HEPHL1: variants seen among roughly 807,000 people sequenced by gnomAD.
HEPHL1 encodes the protein hephaestin like 1.
In HEPHL1, 123 loss-of-function variants were observed where a neutral mutation model predicts 122.0. The ratio of observed to expected loss-of-function variants is 1.01; its 90% CI spans 0.87 to 1.17. The LOEUF (loss-of-function observed/expected upper bound fraction) is 1.17. Among genes scored for constraint, HEPHL1 ranks in the 50% most tolerant of loss-of-function variants. The pLI is 0.00. For synonymous variants in HEPHL1, 527 were observed against 508.9 expected (o/e 1.04, Z -0.48); for missense variants, 1,452 against 1,430.5 (o/e 1.01, Z -0.24).
At chr11:94,046,491 A>G (rs1357432249) in intron 2 of HEPHL1, among the ~76,000 whole-genome samples, 1 of 148,076 alleles carries the variant, frequency 6.8e-6, no homozygotes, top group Non-Finnish European at 1.5e-5. Flanking sequence ...CTGCTCCACC[A>G]CGCACCAGGA....
intron 15 of HEPHL1, 115 bp downstream of exon 15, chr11:94,103,135 G>T (rs1184313219): frequency 1.5e-6 from 1 of 675,694 alleles, no homozygotes. Flanking sequence ...TAGAGCAAGG[G>T]TCTCATACTA....
chr11:94,051,145 A>G (rs1591469591), intron 2 of HEPHL1, among the ~76,000 whole-genome samples: 1 of 152,194 alleles, frequency 6.6e-6, no homozygotes, highest in East Asian at 1.9e-4. Flanking sequence ...TGGGGGGTAC[A>G]TTAAAATGGG....
In HEPHL1 at chr11:94,086,168, T is replaced by A. The variant is rs1946216511; in HGVS notation, c.2059T>A (p.Phe687Ile). The A allele has an allele frequency of 6.2e-7, 1 of 1,611,454 alleles. No homozygotes were observed. The highest frequency in any genetic ancestry group is 2.2e-5 in the East Asian group (1 of 44,836). ...GTTTCCCCACATGGCCACAACAGCA[T>A]TCATGCAGCCAGACCATGCAGGTAA... ...ALFPHMATTAFMQPDHAGIFR... is the reference protein window; with the variant it reads ...ALFPHMATTAIMQPDHAGIFR... Residue 687 changes from phenylalanine (F) to isoleucine (I), a missense_variant, in exon 11 of 20, where the codon TTC (phenylalanine) becomes ATC (isoleucine). Coordinates refer to ENST00000315765, the MANE Select transcript of HEPHL1 (RefSeq NM_001098672.2).
intron 1 of HEPHL1, among the ~76,000 whole-genome samples, chr11:94,022,798 C>T (rs1029925039): frequency 2.6e-5 from 4 of 152,154 alleles, no homozygotes; most frequent in African/African-American, 9.7e-5. Flanking sequence ...ACCAAAAATG[C>T]CAGGAGCCTT....
chr11:94,028,456 C>T (rs1002487852), intron 1 of HEPHL1, among the ~76,000 whole-genome samples: 2 of 152,138 alleles, frequency 1.3e-5, no homozygotes, highest in African/African-American at 4.8e-5. Flanking sequence ...TTCCCAAGGG[C>T]AGGTTTGTTC....
chr11:94,071,957 A>C (rs1163190239), intron 6 of HEPHL1, among the ~76,000 whole-genome samples: 1 of 152,116 alleles, frequency 6.6e-6, no homozygotes, highest in Non-Finnish European at 1.5e-5. Flanking sequence ...GCATGGAGAA[A>C]TAGAGAATTG....
chr11:94,109,388 T>C (rs913616670), intron 17 of HEPHL1, among the ~76,000 whole-genome samples: 3 of 152,164 alleles, frequency 2.0e-5, no homozygotes, highest in Admixed American at 2.0e-4. Flanking sequence ...TAGTGCAATT[T>C]TGAATATGAG....
At chr11:94,106,946 A>G (rs1464389544) in intron 17 of HEPHL1, among the ~76,000 whole-genome samples, 2 of 152,180 alleles carry the variant, frequency 1.3e-5, no homozygotes, top group Admixed American at 6.5e-5. Flanking sequence ...TCTACCCTCT[A>G]GCATCAAGCT....
At chr11:94,096,234 T>G (rs994223154) in intron 13 of HEPHL1, among the ~76,000 whole-genome samples, 2 of 152,172 alleles carry the variant, frequency 1.3e-5, no homozygotes, top group Non-Finnish European at 2.9e-5. Flanking sequence ...CATGAAGCGC[T>G]GTTGAATTTT....
Position 94,063,618 on chromosome 11 carries a change from C to A in HEPHL1, c.526C>A (p.Pro176Thr). 1 of 1,613,870 alleles carries A rather than the reference C, an allele frequency of 6.2e-7. No homozygotes were observed. The highest frequency in any genetic ancestry group is 8.5e-7 in the Non-Finnish European group (1 of 1,179,814). Residue 176 changes from proline to threonine, a missense_variant, in exon 3 of 20, where the codon CCA becomes ACA. Pro to Thr is a conservative substitution (Grantham distance 38, BLOSUM62 -1). Transcript: ENST00000315765. ...WPVREEYAPT[P>T]ADANCLTWVY... The stretch of plus-strand genomic sequence containing the variant: ...GGTGAGAGAAGAATATGCACCTACT[C>A]CAGCCGATGCCAACTGCCTGACCTG...
At chr11:94,106,781 T>G (rs529206706) in intron 17 of HEPHL1, among the ~76,000 whole-genome samples, 5 of 152,314 alleles carry the variant, frequency 3.3e-5, no homozygotes, top group Admixed American at 2.6e-4. Context: ...TCCTTTTTTC[T>G]TTCCCTTTCC....
intron 9 of HEPHL1, among the ~76,000 whole-genome samples, chr11:94,081,536 A>G (rs1012728429): frequency 6.6e-6 from 1 of 152,232 alleles, no homozygotes; most frequent in African/African-American, 2.4e-5. Context: ...CTGTGTGATC[A>G]GATAGGCTCA....
At chr11:94,067,437 T>G in intron 4 of HEPHL1, 59 bp from the exon 5 acceptor site, 1 of 1,563,218 alleles carries the variant, frequency 6.4e-7, no homozygotes, top group African/African-American at 1.4e-5. Context: ...TTACCAACAT[T>G]TCTGGTCCCA....
intron 1 of HEPHL1, among the ~76,000 whole-genome samples, chr11:94,043,053 A>G (rs1003017804): frequency 1.3e-5 from 2 of 152,068 alleles, no homozygotes; most frequent in Admixed American, 1.3e-4. Flanking sequence ...TAGAACAGAG[A>G]AGTGCTCCAT....
chr11:94,036,785 G>A (rs1945728714), intron 1 of HEPHL1, among the ~76,000 whole-genome samples: 2 of 145,098 alleles, frequency 1.4e-5, no homozygotes, highest in South Asian at 4.3e-4. Context: ...GTTGCAGTGA[G>A]CCTAGATCGT....
chr11:94,042,564 T>C (rs1291636298), intron 1 of HEPHL1, among the ~76,000 whole-genome samples: 1 of 151,368 alleles, frequency 6.6e-6, no homozygotes, highest in Non-Finnish European at 1.5e-5. Context: ...GATGAGTTCA[T>C]GTCCTTTGTA....
intron 6 of HEPHL1, among the ~76,000 whole-genome samples, chr11:94,071,308 T>C (rs558667778): frequency 6.7e-6 from 1 of 148,258 alleles, no homozygotes; most frequent in African/African-American, 2.5e-5. Context: ...CAATAAAACA[T>C]CATTTGTTTC....
At chr11:94,050,113 G>A (rs1565349106) in intron 2 of HEPHL1, among the ~76,000 whole-genome samples, 2 of 152,082 alleles carry the variant, frequency 1.3e-5, no homozygotes, top group Admixed American at 6.6e-5. Flanking sequence ...TGTTATGAAT[G>A]GAATAGTTTT....
chr11:94,060,911 G>T (rs1212143833), intron 2 of HEPHL1, among the ~76,000 whole-genome samples: 4 of 152,148 alleles, frequency 2.6e-5, no homozygotes, highest in Admixed American at 2.6e-4. Context: ...TAGAGGAAGG[G>T]AAGCCAACTA....
Sources: gnomAD v4.1 joint callset for allele counts (sites outside exome capture counted in the v4.1 genomes callset) on GRCh38, gnomAD v4.1.1 for gene constraint, MANE v1.5 for transcripts, NCBI Gene and HGNC (gene_info 2026-07-23, HGNC 2026-07-21) for gene names.